CENPP: variants seen among roughly 807,000 people sequenced by gnomAD.
The protein encoded by CENPP is centromere protein P.
In CENPP, 24 loss-of-function variants were observed where a neutral mutation model predicts 35.6. The ratio of observed to expected loss-of-function variants is 0.67; its 90% CI spans 0.49 to 0.95. The LOEUF (loss-of-function observed/expected upper bound fraction) is 0.95, where lower values mean the gene tolerates loss of function less well. CENPP is among the 40% of genes least tolerant of loss of function. The pLI is 0.00. For missense variants in CENPP, 332 were observed against 345.3 expected (o/e 0.96, Z 0.31); for synonymous variants, 120 against 125.5 (o/e 0.96, Z 0.29).
chr9:92,330,148 T>C (rs1346002370), intron 1 of CENPP, among the ~76,000 whole-genome samples: 1 of 152,186 alleles, frequency 6.6e-6, no homozygotes. Context: ...GCAGAACGGA[T>C]GGCAGTAAGT....
At chr9:92,374,222 TCTG>T in intron 4 of CENPP, among the ~76,000 whole-genome samples, 1 of 150,870 alleles carries the variant, frequency 6.6e-6, no homozygotes, top group Non-Finnish European at 1.5e-5. Context: ...AATATTTACT[TCTG>T]CTGTTTTGCT....
intron 5 of CENPP, chr9:92,459,617 A>G (rs774191998): frequency 2.7e-5 from 43 of 1,610,934 alleles, no homozygotes; most frequent in African/African-American, 9.4e-5. Context: ...ACTGAACACA[A>G]GTAGAATGTT....
Position 92,615,794 on chromosome 9 carries a change from C to T in CENPP, c.*2645C>T, listed in dbSNP as rs752691793. 4.1e-6 allele frequency: 6 copies of T among 1,471,280 alleles called. No individual in the cohort carries two copies. Among genetic ancestry groups the T allele is most frequent in the African/African-American group, 1.4e-5 (1 of 72,072 alleles). 91.1% of individuals were successfully genotyped at this position (1,471,280 alleles called of 1,614,324 possible). A position where few individuals can be genotyped will look rare whatever the true frequency, so the allele number is the denominator to read the frequency against. ...AAATATCTCTATCATTCAGCCTTCA[C>T]ATTATGTTCAAGTTTCAAAGACACT... On this transcript the variant is annotated 3_prime_UTR_variant, in exon 8 of 8. Transcript: ENST00000375587.
chr9:92,604,166 TGTTA>T (rs1237533418), intron 5 of CENPP, among the ~76,000 whole-genome samples: 2 of 152,274 alleles, frequency 1.3e-5, no homozygotes, highest in East Asian at 3.8e-4. Flanking sequence ...CAGCAGTGTA[TGTTA>T]GTTCCAGTTG....
chr9:92,517,412 C>T (rs908362954), intron 5 of CENPP: 4 of 576,014 alleles, frequency 6.9e-6, no homozygotes, highest in Admixed American at 3.2e-5. Context: ...AATTCTGTTA[C>T]CATATCTCTA....
At chr9:92,356,406 G>C (rs1841590375) in intron 4 of CENPP, among the ~76,000 whole-genome samples, 1 of 152,204 alleles carries the variant, frequency 6.6e-6, no homozygotes, top group Non-Finnish European at 1.5e-5. Flanking sequence ...CCTTATGGTT[G>C]TCTTCCCCTG....
chr9:92,595,885 CTG>C (rs1454237541), intron 5 of CENPP, among the ~76,000 whole-genome samples: 3 of 152,138 alleles, frequency 2.0e-5, no homozygotes, highest in Admixed American at 6.5e-5. Flanking sequence ...TTTTAAAAAA[CTG>C]AAAGCATTTA....
intron 5 of CENPP, among the ~76,000 whole-genome samples, chr9:92,420,207 C>G (rs759980635): frequency 6.6e-6 from 1 of 152,156 alleles, no homozygotes; most frequent in Non-Finnish European, 1.5e-5. Flanking sequence ...GTAGTAACTC[C>G]AGCTGCAATA....
intron 5 of CENPP, among the ~76,000 whole-genome samples, chr9:92,458,351 C>A (rs10992347): frequency 0.4 from 61,518 of 151,992 alleles, 14,561 homozygotes; most frequent in African/African-American, 0.65. Flanking sequence ...TGCTGGCCAA[C>A]GTGGGATATC....
intron 5 of CENPP, among the ~76,000 whole-genome samples, chr9:92,451,577 C>A (rs550458865): frequency 7.9e-5 from 12 of 152,188 alleles, no homozygotes; most frequent in South Asian, 2.1e-4. Flanking sequence ...CTTGGCGATG[C>A]GGGCTCTTTT....
At chr9:92,406,980 C>T (rs374783578) in intron 5 of CENPP, among the ~76,000 whole-genome samples, 2 of 152,110 alleles carry the variant, frequency 1.3e-5, no homozygotes, top group East Asian at 3.8e-4. Flanking sequence ...TCACTGAAGA[C>T]CATTATACTC....
chr9:92,542,508 CT>C (rs36113641), intron 5 of CENPP, among the ~76,000 whole-genome samples: 65,572 of 145,594 alleles, frequency 0.45, 17,712 homozygotes, highest in African/African-American at 0.78. Flanking sequence ...TCTTTTCTTT[CT>C]TTTTTTTTTT....
chr9:92,519,466 G>A (rs547039633), intron 5 of CENPP, among the ~76,000 whole-genome samples: 2 of 152,310 alleles, frequency 1.3e-5, no homozygotes, highest in Middle Eastern at 6.8e-3. Context: ...ACTAGTATAA[G>A]CATAGACGTA....
At chr9:92,412,374 A>G (rs1353946311) in intron 5 of CENPP, among the ~76,000 whole-genome samples, 1 of 152,186 alleles carries the variant, frequency 6.6e-6, no homozygotes, top group Non-Finnish European at 1.5e-5. Context: ...GATATGAGCC[A>G]CTGCACCCAG....
chr9:92,594,889 C>G (rs1008689054), intron 5 of CENPP, among the ~76,000 whole-genome samples: 1 of 121,356 alleles, frequency 8.2e-6, no homozygotes, highest in African/African-American at 2.9e-5. Context: ...AGAGGTTGCT[C>G]TTCTTTTTTT....
intron 5 of CENPP, among the ~76,000 whole-genome samples, chr9:92,439,794 A>G (rs1844341209): frequency 6.6e-6 from 1 of 152,236 alleles, no homozygotes; most frequent in Non-Finnish European, 1.5e-5. Context: ...TAATATTACT[A>G]CAAGTACCAT....
intron 4 of CENPP, among the ~76,000 whole-genome samples, chr9:92,359,874 G>C (rs935588875): frequency 7.2e-5 from 11 of 152,046 alleles, no homozygotes; most frequent in African/African-American, 2.7e-4. Context: ...TGCCAGGGGG[G>C]TGGGGGTGAA....
intron 5 of CENPP, among the ~76,000 whole-genome samples, chr9:92,552,198 C>CAA (rs1246703906): frequency 3.3e-4 from 49 of 148,492 alleles, no homozygotes; most frequent in Non-Finnish European, 4.5e-5. Context: ...TATACACACA[C>CAA]ACACACACAC....
chr9:92,521,069 A>T (rs1026443555), intron 5 of CENPP, among the ~76,000 whole-genome samples: 10 of 152,226 alleles, frequency 6.6e-5, no homozygotes, highest in Admixed American at 2.0e-4. Flanking sequence ...ATGCTATTGA[A>T]TTGTACACTT....
Sources: allele counts gnomAD v4.1 joint callset (sites outside exome capture counted in the v4.1 genomes callset), GRCh38; gene constraint gnomAD v4.1.1; transcripts MANE v1.5; gene names NCBI Gene and HGNC (gene_info 2026-07-23, HGNC 2026-07-21).